KCTD19: variants seen among roughly 807,000 people sequenced by gnomAD.
The protein encoded by KCTD19 is potassium channel tetramerization domain containing 19.
In KCTD19, 67 loss-of-function variants were observed where a neutral mutation model predicts 103.5. The observed-to-expected ratio is 0.65, with a 90% CI of 0.53 to 0.79. The LOEUF (loss-of-function observed/expected upper bound fraction) is 0.79, where lower values mean the gene tolerates loss of function less well. Ranked by LOEUF, KCTD19 falls within the 30% of genes least tolerant of loss-of-function variation. KCTD19 has a pLI of 0.00. For missense variants in KCTD19, 980 were observed against 1,136.1 expected (o/e 0.86, Z 1.98); for synonymous variants, 439 against 452.2 (o/e 0.97, Z 0.37).
chr16:67,304,587 G>T lies in KCTD19; in HGVS notation c.301-16C>A, dbSNP rs1243266691. 6.2e-7 allele frequency: 1 copy of T among 1,609,814 alleles called. No individual in the cohort carries two copies. The highest frequency in any genetic ancestry group is 8.5e-7 in the Non-Finnish European group (1 of 1,176,218). Reference sequence around the variant, plus strand: ...TATCTAGAGTCTGTTAGATAATGAAGAGTACTATCTTGAGAATCTAAACCA... The same window carrying T: ...TATCTAGAGTCTGTTAGATAATGAATAGTACTATCTTGAGAATCTAAACCA... On this transcript the variant is annotated splice_polypyrimidine_tract_variant and intron_variant, in intron 2 of 15. Coordinates refer to ENST00000304372, the MANE Select transcript of KCTD19 (RefSeq NM_001100915.3).
Position 67,297,636 on chromosome 16 carries a change from G to C in KCTD19, c.1014C>G (p.Pro338=). ...ATACCTCGGAAATGGTCTCTGTCAG[G>C]GGCAGCCGGCAAGTCCCCAGCCAGT... ...VKNWLGTCRL[P]LTETISEVYE... Residue 338 remains proline, a synonymous_variant, in exon 7 of 16, where the codon CCC becomes CCG. Coordinates refer to ENST00000304372, the MANE Select transcript of KCTD19 (RefSeq NM_001100915.3). 1 of 1,613,926 alleles carries C rather than the reference G, an allele frequency of 6.2e-7. No homozygotes were observed. The highest frequency in any genetic ancestry group is 1.7e-5 in the Admixed American group (1 of 60,012).
At chr16:67,326,500 G>A (rs1345990002) in intron 1 of KCTD19, 2 of 609,742 alleles carry the variant, frequency 3.3e-6, no homozygotes, top group Non-Finnish European at 5.3e-6. Context: ...CACATCCTCA[G>A]AGCCAGAACA....
intron 2 of KCTD19, among the ~76,000 whole-genome samples, chr16:67,309,884 G>A (rs1445741469): frequency 6.6e-6 from 1 of 152,176 alleles, no homozygotes; most frequent in Non-Finnish European, 1.5e-5. Context: ...TCCATTTCCT[G>A]CTATTTCCAA....
intron 2 of KCTD19, among the ~76,000 whole-genome samples, chr16:67,318,838 C>T (rs903812629): frequency 2.0e-5 from 3 of 151,770 alleles, no homozygotes; most frequent in Non-Finnish European, 4.4e-5. Flanking sequence ...AATTCTAGTA[C>T]TCCATTCCTG....
chr16:67,305,574 G>T (rs1389071956), intron 2 of KCTD19: 1 of 455,478 alleles, frequency 2.2e-6, no homozygotes, highest in Non-Finnish European at 4.4e-6. Flanking sequence ...CGGTCTTCGT[G>T]CCGCCCTTAC....
At chr16:67,305,359 C>A in intron 2 of KCTD19, 1 of 238,470 alleles carries the variant, frequency 4.2e-6, no homozygotes, top group South Asian at 4.8e-5. Flanking sequence ...CTTTAACACA[C>A]TTTTTCTCAT....
Position 67,289,576 on chromosome 16 carries a change from T to A in KCTD19, c.2774A>T (p.Glu925Val), listed in dbSNP as rs1238833206. ...SYSILGKYLQ[E>V]D Reference sequence around the variant, plus strand: ...GCTGCATCTCTGGGCACCCTAGTCCTCTTGTAGGTACTTTCCCAGGATGGA... The same window carrying A: ...GCTGCATCTCTGGGCACCCTAGTCCACTTGTAGGTACTTTCCCAGGATGGA... The change falls in exon 16 of 16, where the codon GAG (glutamate) becomes GTG (valine). Residue 925 changes from glutamate to valine, a missense_variant. Physicochemically the swap from Glu to Val is moderately radical, Grantham distance 121. Coordinates refer to ENST00000304372, the MANE Select transcript of KCTD19 (RefSeq NM_001100915.3). 6.2e-7 allele frequency: 1 copy of A among 1,609,866 alleles called. No individual in the cohort carries two copies. Among genetic ancestry groups the A allele is most frequent in the South Asian group, 1.1e-5 (1 of 90,962 alleles).
chr16:67,312,948 G>C lies in KCTD19; in HGVS notation c.300+7641C>G, dbSNP rs528705373. On this transcript the variant is annotated intron_variant, in intron 2 of 15. Transcript: ENST00000304372. ...GTCAGCAAGTTTTTTTCTATAAAAG[G>C]CCTGACAGTAAATATTTTAGGCTTT... is the stretch of plus-strand genomic sequence containing the variant. Among the ~76,000 whole-genome samples, 10 of 152,186 alleles carry C rather than the reference G, an allele frequency of 6.6e-5. No individual in the cohort carries two copies. In the East Asian group the frequency reaches 1.9e-3, roughly 29 times the overall value.
At chr16:67,306,779 A>C (rs969254355) in intron 2 of KCTD19, among the ~76,000 whole-genome samples, 1 of 152,188 alleles carries the variant, frequency 6.6e-6, no homozygotes, top group African/African-American at 2.4e-5. Flanking sequence ...GTATACACGA[A>C]AAGAACAAGG....
chr16:67,294,473 C>T, intron 11 of KCTD19, 107 bp downstream of exon 11: 1 of 796,236 alleles, frequency 1.3e-6, no homozygotes, highest in Non-Finnish European at 2.1e-6. Flanking sequence ...AGGCTCTGCT[C>T]TTTCATTTTG....
rs970886035 is a variant in KCTD19 at position 67,326,708 on chromosome 16, G to T, written c.-1C>A. On this transcript the variant is annotated 5_prime_UTR_variant, in exon 1 of 16. Coordinates refer to ENST00000304372, the MANE Select transcript of KCTD19 (RefSeq NM_001100915.3). ...CCCGCCAGAGCGGGCTCCGTACCATGGTCGCGGCTCCAGCAGCGGGCGGGC... is the reference window on the plus strand; with the variant it reads ...CCCGCCAGAGCGGGCTCCGTACCATTGTCGCGGCTCCAGCAGCGGGCGGGC... The T allele has an allele frequency of 2.5e-6, 4 of 1,578,082 alleles. No homozygotes were observed. Among genetic ancestry groups the T allele is most frequent in the Non-Finnish European group, 3.4e-6 (4 of 1,167,054 alleles).
chr16:67,296,222 T>C lies in KCTD19; in HGVS notation c.1185A>G (p.Gln395=), dbSNP rs1172342244. Residue 395 remains glutamine (Q), a synonymous_variant, in exon 8 of 16, where the codon CAA becomes CAG. Coordinates refer to ENST00000304372, the MANE Select transcript of KCTD19 (RefSeq NM_001100915.3). ...TTCCAACATACACTTTGATGATCTG[T>C]TGTGGGGAATACACAGTGATCTCTG... ...WTAEITVYSP[Q]QIIKVYVGSH... The C allele has an allele frequency of 3.1e-6, 5 of 1,613,668 alleles. No individual in the cohort carries two copies. The East Asian group carries it at 8.9e-5, about 29-fold the overall frequency.
chr16:67,292,155 C>A (rs894115824), intron 12 of KCTD19, among the ~76,000 whole-genome samples: 1 of 152,226 alleles, frequency 6.6e-6, no homozygotes, highest in South Asian at 2.1e-4. Context: ...GTGAGCCACA[C>A]GCACAGGCTT....
rs918808425 is a variant in KCTD19 at position 67,325,199 on chromosome 16, C to CTTTTTTTTT, written c.3+1505_3+1506insAAAAAAAAA. ...CTTTCTTTCTTTTTTTTCTTTTTTT[C>CTTTTTTTTT]TTTTTTTCTTTTTTTTTTTTTTTGA... is the stretch of plus-strand genomic sequence containing the variant. On this transcript the variant is annotated intron_variant, in intron 1 of 15. Transcript: ENST00000304372. 1.3e-3 allele frequency among the ~76,000 whole-genome samples: 178 copies of CTTTTTTTTT among 132,314 alleles called. 5 individuals are homozygous for CTTTTTTTTT. Among genetic ancestry groups the CTTTTTTTTT allele is most frequent in the African/African-American group, 5.5e-3 (160 of 29,104 alleles). 86.8% of individuals were successfully genotyped at this position (132,314 alleles called of 152,430 possible).
chr16:67,296,106 C>A, intron 8 of KCTD19, 53 bp downstream of exon 8: 1 of 1,032,460 alleles, frequency 9.7e-7, no homozygotes, highest in South Asian at 1.3e-5. Context: ...GCCCCCAGAG[C>A]AGCTCAGGTG....
chr16:67,296,185 C>T lies in KCTD19; in HGVS notation c.1222G>A (p.Ala408Thr), dbSNP rs780128953. The change falls in exon 8 of 16, where the codon GCA becomes ACA. Residue 408 changes from alanine (A) to threonine (T), a missense_variant. Ala to Thr is a moderately conservative substitution (Grantham distance 58). Transcript: ENST00000304372. ...TTCAGCAGTGTCTGCAGGGTGGTTGCGTACCAGTGGCTTCCAACATACACT... is the reference window on the plus strand; with the variant it reads ...TTCAGCAGTGTCTGCAGGGTGGTTGTGTACCAGTGGCTTCCAACATACACT... ...IKVYVGSHWYATTLQTLLKYP... is the reference protein window; with the variant it reads ...IKVYVGSHWYTTTLQTLLKYP... The T allele has an allele frequency of 1.1e-5, 18 of 1,612,212 alleles. No homozygotes were observed. Among genetic ancestry groups the T allele is most frequent in the South Asian group, 6.6e-5 (6 of 91,056 alleles).
chr16:67,304,256 C>G (rs1420700059), intron 3 of KCTD19, among the ~76,000 whole-genome samples, 165 bp downstream of exon 3: 1 of 152,146 alleles, frequency 6.6e-6, no homozygotes, highest in African/African-American at 2.4e-5. Context: ...AGCAGGCAAG[C>G]AGCCATGGAG....
intron 2 of KCTD19, among the ~76,000 whole-genome samples, chr16:67,315,325 T>G (rs548329326): frequency 0.021 from 3,120 of 151,274 alleles, 53 homozygotes; most frequent in African/African-American, 0.027. Flanking sequence ...TTTTTTTTTT[T>G]GGGATAGTCT....
chr16:67,309,981 A>G (rs2036933181), intron 2 of KCTD19, among the ~76,000 whole-genome samples: 1 of 152,240 alleles, frequency 6.6e-6, no homozygotes, highest in Non-Finnish European at 1.5e-5. Flanking sequence ...GCAAGTCCAC[A>G]AAGATTGCCA....
Sources: allele counts gnomAD v4.1 joint callset (sites outside exome capture counted in the v4.1 genomes callset), GRCh38; gene constraint gnomAD v4.1.1; transcripts MANE v1.5; gene names NCBI Gene and HGNC (gene_info 2026-07-23, HGNC 2026-07-21).